The following KLHL13 variants were observed in gnomAD, a reference collection of about 807,000 sequenced individuals.
KLHL13 encodes the protein kelch like family member 13, also known as kelch-like protein 13.
In KLHL13, 10 loss-of-function variants were observed where a neutral mutation model predicts 37.1. The observed-to-expected ratio is 0.27, with a 90% confidence interval of 0.17 to 0.46. The LOEUF (loss-of-function observed/expected upper bound fraction) is 0.46, where lower values mean the gene tolerates loss of function less well. Among genes scored for constraint, KLHL13 ranks in the 20% least tolerant of loss-of-function variants. The probability of loss-of-function intolerance (pLI) is 1.00; values close to 1 mark genes in which losing one functional copy is unlikely to be tolerated. For synonymous variants in KLHL13, 163 were observed against 181.2 expected (o/e 0.90, Z 0.81); for missense variants, 360 against 509.3 (o/e 0.71, Z 2.82).
At chrX:117,962,617 A>C (rs148367962) in intron 1 of KLHL13, among the ~76,000 whole-genome samples, 3 of 111,902 alleles carry the variant, frequency 2.7e-5, no homozygotes, top group Non-Finnish European at 5.6e-5. Flanking sequence ...CTTGACAGTA[A>C]GCAAGTAAAG....
intron 1 of KLHL13, among the ~76,000 whole-genome samples, chrX:118,093,095 A>G (rs928822339): frequency 3.6e-5 from 4 of 111,459 alleles, no homozygotes; most frequent in African/African-American, 9.8e-5. Context: ...GACCATAATA[A>G]TGAGTAATTT....
chrX:118,107,767 T>G (rs1445225823), intron 1 of KLHL13, among the ~76,000 whole-genome samples: 3 of 111,358 alleles, frequency 2.7e-5, no homozygotes, highest in Admixed American at 9.6e-5. Context: ...CTAAGAAATA[T>G]CTGAGAGTGA....
At chrX:118,025,278 T>A (rs748630426) in intron 1 of KLHL13, among the ~76,000 whole-genome samples, 4 of 111,990 alleles carry the variant, frequency 3.6e-5, no homozygotes, top group African/African-American at 9.7e-5. Context: ...CAGTTACCCA[T>A]GGTCAACCAC....
intron 1 of KLHL13, among the ~76,000 whole-genome samples, chrX:118,103,796 G>A: frequency 9.0e-6 from 1 of 111,056 alleles, no homozygotes; most frequent in Middle Eastern, 4.6e-3. Flanking sequence ...CACAGTCCTT[G>A]ACTATAAACA....
At chrX:118,085,796 G>GGTGTGT (rs4025518) in intron 1 of KLHL13, among the ~76,000 whole-genome samples, 1,461 of 85,592 alleles carry the variant, frequency 0.017, 22 homozygotes, top group Non-Finnish European at 0.024. Context: ...AATATTCCAT[G>GGTGTGT]GTGTGTGTGT....
intron 1 of KLHL13, among the ~76,000 whole-genome samples, chrX:118,045,169 C>T (rs370684232): frequency 9.2e-6 from 1 of 108,961 alleles, no homozygotes; most frequent in African/African-American, 3.3e-5. Context: ...GTCAGGAGAT[C>T]GAGACCATCC....
At chrX:118,046,855 T>C (rs1291064012) in intron 1 of KLHL13, among the ~76,000 whole-genome samples, 1 of 112,040 alleles carries the variant, frequency 8.9e-6, no homozygotes, top group African/African-American at 3.2e-5. Flanking sequence ...TTCAACAGCA[T>C]TCAACAAATT....
intron 1 of KLHL13, among the ~76,000 whole-genome samples, chrX:117,953,041 C>T (rs1269984955): frequency 3.6e-5 from 4 of 111,017 alleles, no homozygotes; most frequent in African/African-American, 9.9e-5. Flanking sequence ...TTGACCCAGC[C>T]ATCCCATTAC....
At chrX:118,071,028 T>C (rs1602699934) in intron 1 of KLHL13, among the ~76,000 whole-genome samples, 1 of 110,464 alleles carries the variant, frequency 9.1e-6, no homozygotes, top group East Asian at 2.8e-4. Flanking sequence ...CTTCTTGCGA[T>C]AGTTTACTGA....
chrX:118,025,185 G>A (rs1487019696), intron 1 of KLHL13, among the ~76,000 whole-genome samples: 1 of 111,387 alleles, frequency 9.0e-6, no homozygotes, highest in Non-Finnish European at 1.9e-5. Flanking sequence ...CTGTTTTACA[G>A]CCCCTAAGCT....
At chrX:118,089,659 A>AAAGAAAGAAAGAAAGG (rs1215432921) in intron 1 of KLHL13, among the ~76,000 whole-genome samples, 1 of 108,631 alleles carries the variant, frequency 9.2e-6, no homozygotes, top group East Asian at 2.9e-4. Context: ...AGAAAGAAAG[A>AAAGAAAGAAAGAAAGG]AAGAAAGAAA....
intron 1 of KLHL13, among the ~76,000 whole-genome samples, chrX:118,039,526 G>A (rs1000424246): frequency 1.8e-5 from 2 of 111,343 alleles, no homozygotes; most frequent in Non-Finnish European, 3.8e-5. Flanking sequence ...GGAAAAGTGG[G>A]GAGGACTTTG....
rs764817785 is a variant in KLHL13, at chrX:117,943,839, A to G, written c.240+1595T>C. ...AAAGCCTACTTCTGTCAGTTTGTCA[A>G]ACTCATTCTCTGTCCACTTTTGTTC... is the stretch of plus-strand genomic sequence containing the variant. On this transcript the variant is annotated intron_variant, in intron 2 of 6. Transcript: ENST00000262820. 6.4e-5 allele frequency among the ~76,000 whole-genome samples: 7 copies of G among 109,857 alleles called. No homozygotes were observed. The East Asian group carries it at 2.0e-3, about 32-fold the overall frequency.
At chrX:117,971,218 T>G (rs1402219682) in intron 1 of KLHL13, among the ~76,000 whole-genome samples, 1 of 111,667 alleles carries the variant, frequency 9.0e-6, no homozygotes, top group Non-Finnish European at 1.9e-5. Flanking sequence ...TCAAATATAG[T>G]AGGAATATTA....
At chrX:118,000,431 C>A (rs779500076) in intron 1 of KLHL13, among the ~76,000 whole-genome samples, 9 of 110,335 alleles carry the variant, frequency 8.2e-5, no homozygotes, top group African/African-American at 3.1e-4. Context: ...TATTTCCTTG[C>A]AAACAAAATA....
chrX:117,951,046 T>A (rs145498868), intron 1 of KLHL13, among the ~76,000 whole-genome samples: 9,414 of 111,829 alleles, frequency 0.084, 351 homozygotes, highest in African/African-American at 0.13. Flanking sequence ...TCATACTGCA[T>A]TGAATTCGAA....
intron 1 of KLHL13, among the ~76,000 whole-genome samples, chrX:118,003,249 G>A: frequency 8.9e-6 from 1 of 112,150 alleles, no homozygotes; most frequent in East Asian, 2.8e-4. Context: ...AGGCGTAGTG[G>A]CTCAAGCCTG....
chrX:117,920,227 A>C lies in KLHL13; in HGVS notation c.373+11T>G, dbSNP rs768517992. On this transcript the variant is annotated intron_variant, in intron 3 of 6. Coordinates refer to ENST00000262820, the Ensembl canonical transcript of KLHL13. ...TTTAATGTGGTTTCAGAGTTTTAAA[A>C]GGCAAACTACCTGTGAACATAGCCT... The C allele has an allele frequency of 1.8e-5, 22 of 1,205,840 alleles. No individual in the cohort carries two copies. Among genetic ancestry groups the C allele is most frequent in the Non-Finnish European group, 2.5e-5 (22 of 891,654 alleles).
At chrX:117,926,969 A>G (rs1411485266) in intron 2 of KLHL13, among the ~76,000 whole-genome samples, 25 of 89,301 alleles carry the variant, frequency 2.8e-4, no homozygotes, top group Non-Finnish European at 2.1e-4. Flanking sequence ...GCAGTGGCGC[A>G]ATCTCGGCTC....
Sources: allele counts gnomAD v4.1 joint callset (sites outside exome capture counted in the v4.1 genomes callset), GRCh38; gene constraint gnomAD v4.1.1; transcripts MANE v1.5; gene names NCBI Gene and HGNC (gene_info 2026-07-23, HGNC 2026-07-21).